The following PTPRD variants were observed in gnomAD, a reference collection of about 807,000 sequenced individuals.
PTPRD encodes protein tyrosine phosphatase receptor type D, also known as receptor-type tyrosine-protein phosphatase delta.
In PTPRD, 34 loss-of-function variants were observed where a neutral mutation model predicts 214.5. The observed-to-expected ratio is 0.16, with a 90% CI of 0.12 to 0.21. PTPRD has a LOEUF of 0.21. PTPRD is among the 10% of genes least tolerant of loss of function. The pLI is 1.00. For missense variants in PTPRD, 2,545 were observed against 2,398.7 expected (o/e 1.06, Z -1.27); for synonymous variants, 1,128 against 845.7 (o/e 1.33, Z -5.79).
chr9:10,251,447 G>C (rs2092759137), intron 3 of PTPRD, among the ~76,000 whole-genome samples: 1 of 151,568 alleles, frequency 6.6e-6, no homozygotes, highest in South Asian at 2.1e-4. Context: ...ATCAGATCGA[G>C]GTTAAGAGTT....
chr9:9,444,627 T>G (rs1355589110), intron 8 of PTPRD, among the ~76,000 whole-genome samples: 1 of 152,200 alleles, frequency 6.6e-6, no homozygotes, highest in East Asian at 1.9e-4. Context: ...CCTTTTCTAT[T>G]ATTTCCAAGG....
intron 39 of PTPRD, among the ~76,000 whole-genome samples, chr9:8,361,159 A>T (rs1233338462): frequency 6.6e-6 from 1 of 152,128 alleles, no homozygotes; most frequent in Non-Finnish European, 1.5e-5. Flanking sequence ...TAAAACTGCT[A>T]TTTTTTTCTA....
At chr9:9,478,229 T>C (rs958774588) in intron 8 of PTPRD, among the ~76,000 whole-genome samples, 26 of 152,200 alleles carry the variant, frequency 1.7e-4, no homozygotes, top group African/African-American at 6.0e-4. Context: ...GTGAGATTTA[T>C]GCTACAGATT....
intron 5 of PTPRD, among the ~76,000 whole-genome samples, chr9:9,874,680 T>A (rs1021893267): frequency 6.6e-6 from 1 of 152,170 alleles, no homozygotes; most frequent in Admixed American, 6.5e-5. Flanking sequence ...ATGTTCACAG[T>A]CCTCCAGTCA....
chr9:8,934,476 T>TATAA (rs1567099937), intron 11 of PTPRD, among the ~76,000 whole-genome samples: 5 of 11,488 alleles, frequency 4.4e-4, no homozygotes, highest in Non-Finnish European at 7.5e-4. Context: ...TATATATATA[T>TATAA]AAATATATAT....
chr9:9,336,454 C>T (rs1355001931), intron 9 of PTPRD, among the ~76,000 whole-genome samples: 1 of 152,220 alleles, frequency 6.6e-6, no homozygotes, highest in East Asian at 1.9e-4. Flanking sequence ...GATGTCCAAC[C>T]AGGTGATGAT....
At chr9:10,320,935 C>T (rs1187474288) in intron 3 of PTPRD, among the ~76,000 whole-genome samples, 4 of 151,864 alleles carry the variant, frequency 2.6e-5, no homozygotes, top group Middle Eastern at 3.4e-3. Flanking sequence ...TCCATGTTGC[C>T]GAGGCTGGTC....
Position 9,582,386 on chromosome 9 carries a change from A to T in PTPRD, c.-286-7605T>A, listed in dbSNP as rs559590342. ...CCTGGAGCTCCAGCAGTCATATATC[A>T]TAAGAGGCCACCCCAACCTCTTTGT... On this transcript the variant is annotated intron_variant, in intron 7 of 45. Coordinates refer to ENST00000381196, the MANE Select transcript of PTPRD (RefSeq NM_002839.4). Among the ~76,000 whole-genome samples, 4 of 152,196 alleles carry T rather than the reference A, an allele frequency of 2.6e-5. No homozygotes were observed. The East Asian group carries it at 7.7e-4, about 29-fold the overall frequency.
intron 12 of PTPRD, among the ~76,000 whole-genome samples, chr9:8,676,234 C>G (rs1489250157): frequency 6.6e-6 from 1 of 152,098 alleles, no homozygotes; most frequent in Non-Finnish European, 1.5e-5. Context: ...GTTTCAGAAC[C>G]CTCTGAGGCT....
chr9:9,912,780 A>T (rs1158325363), intron 5 of PTPRD, among the ~76,000 whole-genome samples: 1 of 152,060 alleles, frequency 6.6e-6, no homozygotes, highest in South Asian at 2.1e-4. Context: ...AGATGTAAAG[A>T]TTTTTTTTCT....
intron 2 of PTPRD, among the ~76,000 whole-genome samples, chr9:10,356,575 C>T (rs1471169332): frequency 6.6e-6 from 1 of 152,140 alleles, no homozygotes; most frequent in Non-Finnish European, 1.5e-5. Context: ...ACTACAGTTG[C>T]AGAGATGAAC....
rs538416256 is a variant in PTPRD, at chr9:8,786,973, A to C, written c.-103-53027T>G. On this transcript the variant is annotated intron_variant, in intron 11 of 45. Coordinates refer to ENST00000381196, the MANE Select transcript of PTPRD (RefSeq NM_002839.4). ...AGGCTGCAGTGTAGTGGCAGCTGGG[A>C]CTACAGGTGCGCACCACCACGCCCA... Among the ~76,000 whole-genome samples, 46 of 152,058 alleles carry C rather than the reference A, an allele frequency of 3.0e-4. No homozygotes were observed. In the South Asian group the frequency reaches 9.2e-3, roughly 30 times the overall value.
rs186223500 is a variant in PTPRD at position 9,785,988 on chromosome 9, A to T, written c.-367-19137T>A. Among the ~76,000 whole-genome samples, 723 of 152,280 alleles carry T rather than the reference A, an allele frequency of 4.7e-3. 3 individuals carry two copies. Among genetic ancestry groups the T allele is most frequent in the African/African-American group, 0.017 (686 of 41,564 alleles). On this transcript the variant is annotated intron_variant, in intron 5 of 45. Coordinates refer to ENST00000381196, the MANE Select transcript of PTPRD (RefSeq NM_002839.4). ...CTAAGTTATTTATTACCACTTTGCT[A>T]ATGTTATAATTATTCACTATCCTGG...
intron 11 of PTPRD, among the ~76,000 whole-genome samples, chr9:9,011,394 T>C (rs1034824216): frequency 2.0e-5 from 3 of 152,128 alleles, no homozygotes; most frequent in African/African-American, 4.8e-5. Flanking sequence ...TATGGTAAAA[T>C]ACATATTAAC....
chr9:9,845,704 C>A (rs2059400850), intron 5 of PTPRD, among the ~76,000 whole-genome samples: 1 of 152,054 alleles, frequency 6.6e-6, no homozygotes, highest in East Asian at 1.9e-4. Flanking sequence ...GAAAAAAGTC[C>A]TCAGCAAGAG....
chr9:9,525,579 G>A (rs1017889819), intron 8 of PTPRD, among the ~76,000 whole-genome samples: 1 of 151,994 alleles, frequency 6.6e-6, no homozygotes, highest in Non-Finnish European at 1.5e-5. Flanking sequence ...AACTTATGGG[G>A]AAGTTAATGG....
rs533395491 is a variant in PTPRD, at chr9:9,859,978, C to A, written c.-368+78529G>T. Among the ~76,000 whole-genome samples, 271 of 152,298 alleles carry A rather than the reference C, an allele frequency of 1.8e-3. 8 individuals are homozygous for A. Among genetic ancestry groups the A allele is most frequent in the Middle Eastern group, 0.01 (3 of 292 alleles). Reference sequence around the variant, plus strand: ...TTAAAAAGTGTTTATCACAAGATCTCTAACAACAACAACAAACTCCTCTGG... The same window carrying A: ...TTAAAAAGTGTTTATCACAAGATCTATAACAACAACAACAAACTCCTCTGG... On this transcript the variant is annotated intron_variant, in intron 5 of 45. Transcript: ENST00000381196.
chr9:8,566,413 G>A (rs2089223242), intron 14 of PTPRD, among the ~76,000 whole-genome samples: 1 of 152,108 alleles, frequency 6.6e-6, no homozygotes, highest in African/African-American at 2.4e-5. Context: ...TTGGCTGTTT[G>A]AACTATAAGA....
At chr9:9,634,497 A>G (rs1161263310) in intron 7 of PTPRD, among the ~76,000 whole-genome samples, 1 of 152,174 alleles carries the variant, frequency 6.6e-6, no homozygotes, top group Non-Finnish European at 1.5e-5. Flanking sequence ...TGGTAATTCA[A>G]CAATAAATTT....
Sources: allele counts gnomAD v4.1 joint callset (sites outside exome capture counted in the v4.1 genomes callset), GRCh38; gene constraint gnomAD v4.1.1; transcripts MANE v1.5; gene names NCBI Gene and HGNC (gene_info 2026-07-23, HGNC 2026-07-21).